The following MECOM variants were observed in gnomAD, a reference collection of about 807,000 sequenced individuals.
MECOM encodes the protein histone-lysine N-methyltransferase MECOM.
A neutral mutation model predicts 116.3 loss-of-function variants in MECOM; 13 were observed. That is an observed-to-expected ratio of 0.11 (90% CI 0.07 to 0.18). MECOM has a LOEUF of 0.18. MECOM is among the 10% of genes least tolerant of loss of function. The pLI, the probability that MECOM is intolerant of heterozygous loss-of-function variation, is 1.00. For synonymous variants in MECOM, 528 were observed against 535.2 expected (o/e 0.99, Z 0.19); for missense variants, 1,299 against 1,509.0 (o/e 0.86, Z 2.31).
intron 16 of MECOM, among the ~76,000 whole-genome samples, chr3:169,088,742 T>G (rs968243081): frequency 5.3e-5 from 8 of 152,044 alleles, no homozygotes; most frequent in Admixed American, 5.2e-4. Flanking sequence ...AATTGCAAAG[T>G]CAAGGAAAGA....
chr3:169,201,127 C>A (rs931266890), intron 2 of MECOM, among the ~76,000 whole-genome samples: 1 of 152,084 alleles, frequency 6.6e-6, no homozygotes, highest in Non-Finnish European at 1.5e-5. Context: ...AATTTTATTT[C>A]TTGCACCTTA....
intron 1 of MECOM, among the ~76,000 whole-genome samples, chr3:169,480,513 T>C (rs1003967172): frequency 6.6e-6 from 1 of 152,152 alleles, no homozygotes; most frequent in African/African-American, 2.4e-5. Flanking sequence ...TTCTCATCTC[T>C]TTAGTCACTT....
intron 1 of MECOM, among the ~76,000 whole-genome samples, chr3:169,576,796 T>TACACACACACACAC (rs373881811): frequency 7.3e-6 from 1 of 136,500 alleles, no homozygotes; most frequent in Non-Finnish European, 1.6e-5. Context: ...CTTCCTGTTT[T>TACACACACACACAC]ACACACACAC....
intron 12 of MECOM, among the ~76,000 whole-genome samples, chr3:169,099,408 A>G (rs868143269): frequency 1.3e-5 from 2 of 152,192 alleles, no homozygotes. Context: ...AAAACTTCCC[A>G]GTATTACATC....
At chr3:169,439,162 G>A (rs13086559) in intron 1 of MECOM, among the ~76,000 whole-genome samples, 1 of 134,414 alleles carries the variant, frequency 7.4e-6, no homozygotes, top group Non-Finnish European at 1.6e-5. Flanking sequence ...ATTAACTAAA[G>A]ATTAGTATCC....
chr3:169,395,755 C>G (rs976674770), intron 1 of MECOM, among the ~76,000 whole-genome samples: 1 of 152,166 alleles, frequency 6.6e-6, no homozygotes, highest in Admixed American at 6.5e-5. Context: ...ATATTACCAA[C>G]TAAATTTGTT....
rs1732337829 is a variant in MECOM, at chr3:169,381,226, C to T, written c.336G>A (p.Glu112=). 1 of 1,612,784 alleles carries T rather than the reference C, an allele frequency of 6.2e-7. No individual in the cohort carries two copies. Among genetic ancestry groups the T allele is most frequent in the Non-Finnish European group, 8.5e-7 (1 of 1,178,898 alleles). ...TGGGGTCTTTCAGGTTTGACCTCTG[C>T]TCTCCCACATAAGGCCCAAACTTTT... The part of the protein sequence containing the change: ...VGEKFGPYVG[E]QRSNLKDPSY... The change falls in exon 2 of 17, where the codon GAG becomes GAA. Residue 112 remains glutamate (E), a synonymous_variant. Transcript: ENST00000651503.
chr3:169,477,130 TATATATATATATATATATACAC>T lies in MECOM; in HGVS notation c.38-95628_38-95607del, dbSNP rs1560327050. Reference sequence around the variant, plus strand: ...GTATATATATATATATATATATATATATATATATATATATATATACACACACACACAATTTCATTTGCAATAG... The same window carrying T: ...GTATATATATATATATATATATATATACACACACAATTTCATTTGCAATAG... On this transcript the variant is annotated intron_variant, in intron 1 of 16. Coordinates refer to ENST00000651503, the MANE Select transcript of MECOM (RefSeq NM_004991.4). 855 of 95,478 alleles carry T rather than the reference TATATATATATATATATATACAC, an allele frequency of 9.0e-3. 29 individuals carry two copies. Among genetic ancestry groups the T allele is most frequent in the African/African-American group, 0.037 (807 of 21,536 alleles). 5.9% of individuals were successfully genotyped at this position (95,478 alleles called of 1,614,324 possible).
chr3:169,412,285 CAAAA>C (rs10687946), intron 1 of MECOM, among the ~76,000 whole-genome samples: 1 of 104,910 alleles, frequency 9.5e-6, no homozygotes, highest in Non-Finnish European at 2.1e-5. Flanking sequence ...GACTCTGTCT[CAAAA>C]AAAAAAAAAA....
At chr3:169,138,759 G>T (rs569381468) in intron 3 of MECOM, among the ~76,000 whole-genome samples, 2 of 152,166 alleles carry the variant, frequency 1.3e-5, no homozygotes, top group South Asian at 2.1e-4. Context: ...TATAAAGAGG[G>T]TAACAAATTA....
intron 1 of MECOM, among the ~76,000 whole-genome samples, chr3:169,382,846 T>G (rs1301045438): frequency 1.2e-5 from 1 of 82,264 alleles, no homozygotes; most frequent in Non-Finnish European, 2.2e-5. Context: ...TGAAAGCCCA[T>G]CTCAAAAAAA....
At chr3:169,431,022 C>G (rs1317869714) in intron 1 of MECOM, among the ~76,000 whole-genome samples, 1 of 152,148 alleles carries the variant, frequency 6.6e-6, no homozygotes, top group Non-Finnish European at 1.5e-5. Context: ...TGTTTTTCCC[C>G]TTGTCTGTTT....
intron 2 of MECOM, among the ~76,000 whole-genome samples, chr3:169,216,449 A>G (rs1464973194): frequency 6.6e-6 from 1 of 152,132 alleles, no homozygotes. Flanking sequence ...AAATCTCTGA[A>G]ATGACATCTG....
intron 2 of MECOM, among the ~76,000 whole-genome samples, chr3:169,153,577 T>C (rs1741492364): frequency 6.6e-6 from 1 of 152,216 alleles, no homozygotes; most frequent in South Asian, 2.1e-4. Context: ...TTCAATATAG[T>C]ATTTAGCACA....
intron 1 of MECOM, among the ~76,000 whole-genome samples, chr3:169,578,104 T>A (rs1431514268): frequency 6.6e-6 from 1 of 152,206 alleles, no homozygotes; most frequent in Non-Finnish European, 1.5e-5. Flanking sequence ...GATAACTAAC[T>A]GCTATAAATT....
intron 1 of MECOM, among the ~76,000 whole-genome samples, chr3:169,587,813 A>G (rs918438287): frequency 6.6e-6 from 1 of 152,116 alleles, no homozygotes; most frequent in Non-Finnish European, 1.5e-5. Flanking sequence ...CATGTCTTTT[A>G]TCTTTTAAAA....
At chr3:169,554,802 C>T (rs1761841042) in intron 1 of MECOM, among the ~76,000 whole-genome samples, 2 of 152,156 alleles carry the variant, frequency 1.3e-5, no homozygotes, top group Non-Finnish European at 2.9e-5. Flanking sequence ...GGCTGCAGTC[C>T]TCCCTGGACC....
chr3:169,663,222 A>AC, intron 1 of MECOM, 114 bp downstream of exon 1: 1 of 1,271,386 alleles, frequency 7.9e-7, no homozygotes, highest in East Asian at 2.5e-5. Context: ...CCTGCCCTCC[A>AC]CCCGGGGCCC....
intron 1 of MECOM, among the ~76,000 whole-genome samples, chr3:169,460,167 A>G (rs1456995404): frequency 6.6e-6 from 1 of 152,150 alleles, no homozygotes; most frequent in East Asian, 1.9e-4. Flanking sequence ...GACACCCTCC[A>G]TGAACTGAAT....
Sources: gnomAD v4.1 joint callset for allele counts (sites outside exome capture counted in the v4.1 genomes callset) on GRCh38, gnomAD v4.1.1 for gene constraint, MANE v1.5 for transcripts, NCBI Gene and HGNC (gene_info 2026-07-23, HGNC 2026-07-21) for gene names.